The following SMYD3 variants were observed in gnomAD, a reference collection of about 807,000 sequenced individuals.
The protein encoded by SMYD3 is histone-lysine N-methyltransferase SMYD3.
A neutral mutation model predicts 57.7 loss-of-function variants in SMYD3; 36 were observed. That is an observed-to-expected ratio of 0.62 (90% CI 0.48 to 0.82). The LOEUF (loss-of-function observed/expected upper bound fraction) is 0.82. Among genes scored for constraint, SMYD3 ranks in the 40% least tolerant of loss-of-function variants. The pLI is 0.00. For synonymous variants in SMYD3, 211 were observed against 195.0 expected (o/e 1.08, Z -0.68); for missense variants, 515 against 538.8 (o/e 0.96, Z 0.44).
chr1:246,450,116 C>T (rs908692959), intron 1 of SMYD3, among the ~76,000 whole-genome samples: 1 of 152,120 alleles, frequency 6.6e-6, no homozygotes, highest in Non-Finnish European at 1.5e-5. Flanking sequence ...GGAGCAACCC[C>T]ATCTCTGCTA....
rs1148722 is a variant in SMYD3, at chr1:246,319,471, G to C, written c.531+7730C>G. On this transcript the variant is annotated intron_variant, in intron 5 of 11. Coordinates refer to ENST00000490107, the MANE Select transcript of SMYD3 (RefSeq NM_001167740.2). The stretch of plus-strand genomic sequence containing the variant: ...GTCACTGGGATCATTTAGTAATGCA[G>C]TCAAAGTTATCATACTGCCATTTCA... 8.1e-3 allele frequency among the ~76,000 whole-genome samples: 1,232 copies of C among 152,280 alleles called. 13 individuals carry two copies. The highest frequency in any genetic ancestry group is 0.028 in the African/African-American group (1,150 of 41,542).
intron 10 of SMYD3, among the ~76,000 whole-genome samples, chr1:245,825,582 T>C (rs1358948591): frequency 6.6e-6 from 1 of 152,144 alleles, no homozygotes; most frequent in Non-Finnish European, 1.5e-5. Context: ...CCTGGGCATC[T>C]TGTCCCCCTC....
intron 5 of SMYD3, among the ~76,000 whole-genome samples, chr1:246,065,431 A>G (rs2060324186): frequency 6.6e-6 from 1 of 152,228 alleles, no homozygotes; most frequent in South Asian, 2.1e-4. Context: ...CACTACTTAC[A>G]GAAACACCAC....
intron 5 of SMYD3, among the ~76,000 whole-genome samples, chr1:246,317,126 A>C (rs2065174348): frequency 6.6e-6 from 1 of 152,140 alleles, no homozygotes; most frequent in Non-Finnish European, 1.5e-5. Flanking sequence ...TAGTAAAATA[A>C]TTGCAGTTTT....
At chr1:245,923,364 G>A (rs904331662) in intron 7 of SMYD3, among the ~76,000 whole-genome samples, 1 of 151,548 alleles carries the variant, frequency 6.6e-6, no homozygotes, top group African/African-American at 2.4e-5. Context: ...CCCGCTGCTC[G>A]TCCTTCTCCC....
At chr1:246,385,694 C>A (rs2066465661) in intron 1 of SMYD3, among the ~76,000 whole-genome samples, 1 of 152,152 alleles carries the variant, frequency 6.6e-6, no homozygotes, top group Admixed American at 6.5e-5. Context: ...ATGAAATGGA[C>A]ATGGACCATC....
intron 1 of SMYD3, among the ~76,000 whole-genome samples, chr1:246,464,912 T>C (rs1248696286): frequency 6.6e-6 from 1 of 152,244 alleles, no homozygotes; most frequent in Non-Finnish European, 1.5e-5. Flanking sequence ...TGATTTTAGC[T>C]TGACTTGGGA....
chr1:245,986,586 G>A (rs1020692142), intron 5 of SMYD3, among the ~76,000 whole-genome samples: 1 of 152,106 alleles, frequency 6.6e-6, no homozygotes, highest in Admixed American at 6.5e-5. Context: ...TAGCTGACTG[G>A]AACATGTAGC....
intron 1 of SMYD3, among the ~76,000 whole-genome samples, chr1:246,438,738 C>T (rs2067418355): frequency 6.6e-6 from 1 of 151,560 alleles, no homozygotes; most frequent in African/African-American, 2.4e-5. Flanking sequence ...GGGCGGGGGG[C>T]GGAGTGGGGA....
At chr1:246,350,270 T>C (rs1231080232) in intron 2 of SMYD3, among the ~76,000 whole-genome samples, 1 of 152,172 alleles carries the variant, frequency 6.6e-6, no homozygotes, top group African/African-American at 2.4e-5. Flanking sequence ...AACAGAAGCT[T>C]TATCAAAGTC....
intron 5 of SMYD3, among the ~76,000 whole-genome samples, chr1:246,086,496 ATTTTC>A (rs2060723541): frequency 6.8e-6 from 1 of 146,922 alleles, no homozygotes. Context: ...CTACGGATAT[ATTTTC>A]TTTTTTTTTT....
intron 5 of SMYD3, among the ~76,000 whole-genome samples, chr1:246,229,844 A>T (rs963778587): frequency 2.6e-5 from 4 of 152,146 alleles, no homozygotes; most frequent in African/African-American, 9.7e-5. Flanking sequence ...CAAACATTCA[A>T]ATCATAGCAC....
At chr1:246,307,655 A>G (rs982649617) in intron 5 of SMYD3, among the ~76,000 whole-genome samples, 6 of 151,832 alleles carry the variant, frequency 4.0e-5, no homozygotes, top group East Asian at 1.9e-4. Flanking sequence ...TCCTGACCTC[A>G]TGATCCGCCC....
intron 5 of SMYD3, among the ~76,000 whole-genome samples, chr1:246,010,132 A>C (rs75686597): frequency 0.031 from 4,669 of 149,806 alleles, 246 homozygotes; most frequent in African/African-American, 0.11. Flanking sequence ...AACAACAAAA[A>C]CCCCAATATT....
intron 7 of SMYD3, among the ~76,000 whole-genome samples, chr1:245,922,561 G>T (rs1322789003): frequency 6.6e-5 from 10 of 151,868 alleles, no homozygotes; most frequent in Non-Finnish European, 1.5e-5. Context: ...AGTTTTGATA[G>T]ATTCTCTAAA....
chr1:246,499,790 TAG>T (rs2068429418), intron 1 of SMYD3, among the ~76,000 whole-genome samples: 2 of 152,174 alleles, frequency 1.3e-5, no homozygotes, highest in African/African-American at 2.4e-5. Flanking sequence ...TTTCAAAACT[TAG>T]TTTTAATTTT....
intron 1 of SMYD3, among the ~76,000 whole-genome samples, chr1:246,400,519 T>C (rs899285789): frequency 1.2e-4 from 19 of 152,336 alleles, no homozygotes; most frequent in Admixed American, 1.2e-3. Context: ...TACCGGCACA[T>C]GCCACTGTGT....
intron 2 of SMYD3, among the ~76,000 whole-genome samples, chr1:246,349,810 T>C (rs1233593345): frequency 6.6e-6 from 1 of 152,022 alleles, no homozygotes; most frequent in Non-Finnish European, 1.5e-5. Flanking sequence ...AAAGAAATCA[T>C]ACAAAAGGCT....
At chr1:246,452,234 G>A (rs140589123) in intron 1 of SMYD3, among the ~76,000 whole-genome samples, 2 of 152,128 alleles carry the variant, frequency 1.3e-5, no homozygotes, top group African/African-American at 4.8e-5. Flanking sequence ...GGCCAGGGGC[G>A]GTGGCTCACA....
Sources: allele counts gnomAD v4.1 joint callset (sites outside exome capture counted in the v4.1 genomes callset), GRCh38; gene constraint gnomAD v4.1.1; transcripts MANE v1.5; gene names NCBI Gene and HGNC (gene_info 2026-07-23, HGNC 2026-07-21).